PCDHA6: variants seen among roughly 807,000 people sequenced by gnomAD.
The protein encoded by PCDHA6 is protocadherin alpha-6.
A neutral mutation model predicts 60.3 loss-of-function variants in PCDHA6; 55 were observed. That is an observed-to-expected ratio of 0.91 (90% confidence interval 0.73 to 1.14). PCDHA6 has a LOEUF of 1.14. Ranked by LOEUF, PCDHA6 falls within the 50% of genes most tolerant of loss-of-function variation. The pLI, the probability that PCDHA6 is intolerant of heterozygous loss-of-function variation, is 0.00. For synonymous variants in PCDHA6, 652 were observed against 557.9 expected (o/e 1.17, Z -2.38); for missense variants, 1,327 against 1,256.5 (o/e 1.06, Z -0.85).
intron 1 of PCDHA6, chr5:140,929,499 C>T: frequency 1.0e-6 from 1 of 980,264 alleles, no homozygotes; most frequent in Non-Finnish European, 1.4e-6. Context: ...GAAGATTGCC[C>T]TAGGCCTCAA....
intron 1 of PCDHA6, chr5:140,843,171 G>A: frequency 6.3e-7 from 1 of 1,596,072 alleles, no homozygotes; most frequent in Non-Finnish European, 8.6e-7. Context: ...GCTGCAAGCA[G>A]CCCTCGCATC....
chr5:140,994,272 CT>C (rs1359828811), intron 3 of PCDHA6, among the ~76,000 whole-genome samples: 4 of 152,168 alleles, frequency 2.6e-5, no homozygotes, highest in African/African-American at 9.7e-5. Flanking sequence ...GCTAGGCTGC[CT>C]TTCTTGAGAC....
intron 1 of PCDHA6, chr5:140,841,355 T>C: frequency 6.2e-7 from 1 of 1,612,706 alleles, no homozygotes; most frequent in Non-Finnish European, 8.5e-7. Flanking sequence ...GCTGGGATCC[T>C]GGCGACTACT....
At chr5:140,897,240 A>T (rs1475170855) in intron 1 of PCDHA6, among the ~76,000 whole-genome samples, 5 of 151,908 alleles carry the variant, frequency 3.3e-5, no homozygotes, top group Non-Finnish European at 5.9e-5. Flanking sequence ...TGTGCAGGTT[A>T]GTTACATATG....
At chr5:140,875,229 T>C (rs893316010) in intron 1 of PCDHA6, 7 of 838,964 alleles carry the variant, frequency 8.3e-6, no homozygotes, top group Non-Finnish European at 1.2e-5. Flanking sequence ...TCAGGATCTT[T>C]CTTGTACTTA....
intron 1 of PCDHA6, among the ~76,000 whole-genome samples, chr5:140,905,832 G>A (rs1292036271): frequency 1.3e-5 from 2 of 152,150 alleles, no homozygotes; most frequent in Non-Finnish European, 2.9e-5. Context: ...TGTATATAAA[G>A]GGGAGTTTAT....
chr5:140,904,499 A>G (rs1554191555), intron 1 of PCDHA6, among the ~76,000 whole-genome samples: 1 of 151,770 alleles, frequency 6.6e-6, no homozygotes, highest in Non-Finnish European at 1.5e-5. Flanking sequence ...AATTTTTACA[A>G]TTGTGAATTG....
intron 1 of PCDHA6, chr5:140,869,070 A>G (rs1554162449): frequency 6.4e-7 from 1 of 1,572,828 alleles, no homozygotes; most frequent in Non-Finnish European, 8.6e-7. Flanking sequence ...TGTAAGTGTA[A>G]AGAAGCTTAT....
chr5:140,854,041 AG>A (rs2042955652), intron 1 of PCDHA6: 1 of 283,480 alleles, frequency 3.5e-6, no homozygotes, highest in Non-Finnish European at 5.5e-6. Flanking sequence ...ACACATCTCT[AG>A]TCCCAATTAC....
chr5:140,841,748 T>G (rs2150322169), intron 1 of PCDHA6: 12 of 1,613,846 alleles, frequency 7.4e-6, no homozygotes, highest in Non-Finnish European at 9.3e-6. Context: ...GCTGTTTGTT[T>G]CAGAATCCAG....
At chr5:140,913,003 T>C (rs1049022016) in intron 1 of PCDHA6, among the ~76,000 whole-genome samples, 29 of 152,204 alleles carry the variant, frequency 1.9e-4, no homozygotes, top group African/African-American at 7.0e-4. Flanking sequence ...TAGTATTTTG[T>C]TGAGGATTTT....
intron 1 of PCDHA6, among the ~76,000 whole-genome samples, chr5:140,875,029 T>C (rs1288139866): frequency 6.6e-6 from 1 of 152,256 alleles, no homozygotes; most frequent in Non-Finnish European, 1.5e-5. Flanking sequence ...TGGCCTACTG[T>C]ATTTGAAAGA....
chr5:140,952,072 A>G (rs1433517410), intron 1 of PCDHA6, among the ~76,000 whole-genome samples: 1 of 152,112 alleles, frequency 6.6e-6, no homozygotes, highest in Non-Finnish European at 1.5e-5. Context: ...AATAATCTTC[A>G]TTGACTCCAT....
At chr5:141,003,122 C>A (rs782642950) in intron 3 of PCDHA6, among the ~76,000 whole-genome samples, 57 of 152,318 alleles carry the variant, frequency 3.7e-4, no homozygotes, top group African/African-American at 9.6e-4. Context: ...TGGCCCTTTC[C>A]TGGCATTTGC....
chr5:140,935,280 G>A (rs1039041502), intron 1 of PCDHA6, among the ~76,000 whole-genome samples: 2 of 152,114 alleles, frequency 1.3e-5, no homozygotes, highest in Admixed American at 6.5e-5. Context: ...ATCTAATAAA[G>A]TTCAGCACTC....
chr5:140,870,750 G>T, intron 1 of PCDHA6: 1 of 1,613,506 alleles, frequency 6.2e-7, no homozygotes, highest in Non-Finnish European at 8.5e-7. Flanking sequence ...GCAACGTGAC[G>T]CTGCAGGTGT....
intron 3 of PCDHA6, among the ~76,000 whole-genome samples, chr5:140,992,085 TAGAGAA>T (rs1253503619): frequency 1.4e-5 from 2 of 146,836 alleles, no homozygotes; most frequent in Non-Finnish European, 3.0e-5. Flanking sequence ...TGAGCTAGAG[TAGAGAA>T]AGAGAATTAA....
At chr5:140,961,214 A>C (rs1406613180) in intron 1 of PCDHA6, among the ~76,000 whole-genome samples, 4 of 152,288 alleles carry the variant, frequency 2.6e-5, no homozygotes, top group East Asian at 3.9e-4. Context: ...ATTGATGAAG[A>C]AACTGGGTCC....
intron 1 of PCDHA6, chr5:140,968,051 C>T (rs1353005851): frequency 1.2e-6 from 2 of 1,614,018 alleles, no homozygotes; most frequent in African/African-American, 1.3e-5. Flanking sequence ...CCCACTGGAC[C>T]GAGAGCGGGT....
Sources: allele counts gnomAD v4.1 joint callset (sites outside exome capture counted in the v4.1 genomes callset), GRCh38; gene constraint gnomAD v4.1.1; transcripts MANE v1.5; gene names NCBI Gene and HGNC (gene_info 2026-07-23, HGNC 2026-07-21).